Variants in TMEM47 observed in about 807,000 individuals in gnomAD.
The protein encoded by TMEM47 is transmembrane protein 47.
A neutral mutation model predicts 12.4 loss-of-function variants in TMEM47; 3 were observed. The ratio of observed to expected loss-of-function variants is 0.24; its 90% confidence interval spans 0.11 to 0.63. TMEM47 has a LOEUF of 0.63. Ranked by LOEUF, TMEM47 falls within the 20% of genes least tolerant of loss-of-function variation. TMEM47 has a pLI of 0.86. For missense variants in TMEM47, 89 were observed against 143.8 expected (o/e 0.62, Z 1.95); for synonymous variants, 62 against 63.3 (o/e 0.98, Z 0.10).
chrX:34,651,158 C>T (rs1922011691), intron 1 of TMEM47, among the ~76,000 whole-genome samples: 1 of 112,013 alleles, frequency 8.9e-6, no homozygotes, highest in African/African-American at 3.2e-5. Flanking sequence ...GTATTCAATT[C>T]TCCTTCCCTT....
At chrX:34,650,272 A>T (rs1921992500) in intron 1 of TMEM47, among the ~76,000 whole-genome samples, 1 of 111,980 alleles carries the variant, frequency 8.9e-6, no homozygotes, top group Non-Finnish European at 1.9e-5. Context: ...CCAAGCTTCC[A>T]TACATGACAT....
At chrX:34,643,425 C>T (rs180676889) in intron 1 of TMEM47, among the ~76,000 whole-genome samples, 2 of 111,415 alleles carry the variant, frequency 1.8e-5, no homozygotes, top group African/African-American at 6.5e-5. Flanking sequence ...TTGCATGCCA[C>T]AAATACCTGC....
chrX:34,654,043 C>G (rs1055086832), intron 1 of TMEM47, among the ~76,000 whole-genome samples: 2 of 111,637 alleles, frequency 1.8e-5, no homozygotes, highest in African/African-American at 6.5e-5. Context: ...GAAGAGCTGA[C>G]GCAACCTTCA....
intron 1 of TMEM47, among the ~76,000 whole-genome samples, chrX:34,646,550 A>G (rs1377784999): frequency 1.8e-5 from 2 of 112,098 alleles, no homozygotes; most frequent in African/African-American, 3.2e-5. Flanking sequence ...GTATTTCTAC[A>G]AAGTTGTGAT....
In TMEM47 at chrX:34,639,397, A is replaced by C; in HGVS notation, c.227-10T>G. ...GTAGCAATCTGCCAATCTGGAAAGA[A>C]AAAAGAAATTGTTTTTGAGTAGTAA... On this transcript the variant is annotated splice_polypyrimidine_tract_variant and intron_variant, in intron 1 of 2. Coordinates refer to ENST00000275954, the MANE Select transcript of TMEM47 (RefSeq NM_031442.4). The C allele has an allele frequency of 8.3e-7, 1 of 1,203,067 alleles. No homozygotes were observed. Among genetic ancestry groups the C allele is most frequent in the African/African-American group, 1.7e-5 (1 of 57,516 alleles).
At chrX:34,655,473 A>G (rs1922088446) in intron 1 of TMEM47, among the ~76,000 whole-genome samples, 1 of 111,926 alleles carries the variant, frequency 8.9e-6, no homozygotes, top group Non-Finnish European at 1.9e-5. Context: ...CAGTGAATTA[A>G]CCAACAAAGA....
rs1313668639 is a variant in TMEM47, at chrX:34,629,824, G to T, written c.*489C>A. On this transcript the variant is annotated 3_prime_UTR_variant, in exon 3 of 3. Transcript: ENST00000275954. ...TTCACAACTCCCATTAGATGCTGAA[G>T]GGCAGTTCATTTTTCAAGGGCTCAC... 1 of 112,145 alleles carries T rather than the reference G, an allele frequency of 8.9e-6. No individual in the cohort carries two copies. The highest frequency in any genetic ancestry group is 1.9e-5 in the Non-Finnish European group (1 of 53,470). 9.2% of individuals were successfully genotyped at this position (112,145 alleles called of 1,213,427 possible). A position where few individuals can be genotyped will look rare whatever the true frequency, so the allele number is the denominator to read the frequency against.
chrX:34,654,827 G>C (rs1475818469), intron 1 of TMEM47, among the ~76,000 whole-genome samples: 1 of 111,945 alleles, frequency 8.9e-6, no homozygotes, highest in Non-Finnish European at 1.9e-5. Flanking sequence ...GGCAAGATAA[G>C]ATGAAAGCTG....
chrX:34,650,181 T>C (rs1465233260), intron 1 of TMEM47, among the ~76,000 whole-genome samples: 1 of 112,621 alleles, frequency 8.9e-6, no homozygotes, highest in Non-Finnish European at 1.9e-5. Flanking sequence ...ACTTTAATTC[T>C]ATGTGAAATC....
At chrX:34,638,394 A>G (rs1921754669) in intron 2 of TMEM47, among the ~76,000 whole-genome samples, 1 of 111,694 alleles carries the variant, frequency 9.0e-6, no homozygotes, top group South Asian at 3.8e-4. Context: ...TTTTAGCTCC[A>G]ACTACCCTTT....
At chrX:34,652,113 C>A (rs1922027572) in intron 1 of TMEM47, among the ~76,000 whole-genome samples, 1 of 112,118 alleles carries the variant, frequency 8.9e-6, no homozygotes, top group South Asian at 3.7e-4. Context: ...CAGTTAGAAT[C>A]CAATGTCTCA....
intron 1 of TMEM47, among the ~76,000 whole-genome samples, chrX:34,650,838 T>C (rs1401816165): frequency 1.8e-5 from 2 of 111,856 alleles, no homozygotes; most frequent in Non-Finnish European, 3.8e-5. Flanking sequence ...GGTTCTCGAG[T>C]TCATTCCATC....
chrX:34,655,202 A>G (rs1410746369), intron 1 of TMEM47, among the ~76,000 whole-genome samples: 2 of 111,903 alleles, frequency 1.8e-5, no homozygotes, highest in Non-Finnish European at 3.8e-5. Context: ...TTATGCAATC[A>G]GGGGTCTATT....
chrX:34,633,707 C>CT (rs1921665202), intron 2 of TMEM47, among the ~76,000 whole-genome samples: 1 of 111,411 alleles, frequency 9.0e-6, no homozygotes, highest in African/African-American at 3.3e-5. Flanking sequence ...ACCTACGCTG[C>CT]TTTTAATATT....
At chrX:34,640,293 A>G (rs1299386891) in intron 1 of TMEM47, among the ~76,000 whole-genome samples, 1 of 112,000 alleles carries the variant, frequency 8.9e-6, no homozygotes, top group Non-Finnish European at 1.9e-5. Flanking sequence ...ACCACTTACT[A>G]TGTGCAGGCC....
chrX:34,647,799 G>A lies in TMEM47; in HGVS notation c.227-8412C>T, dbSNP rs756394486. Among the ~76,000 whole-genome samples the A allele has an allele frequency of 5.3e-5, 6 of 112,175 alleles. No individual in the cohort carries two copies. In the South Asian group the frequency reaches 2.2e-3, roughly 41 times the overall value. On this transcript the variant is annotated intron_variant, in intron 1 of 2. Coordinates refer to ENST00000275954, the MANE Select transcript of TMEM47 (RefSeq NM_031442.4). ...TTTAATAAAGCCAGAATGCAATTAA[G>A]TTGTTGAATGAAAATTAATATTCAT...
chrX:34,643,566 T>C (rs746886371), intron 1 of TMEM47, among the ~76,000 whole-genome samples: 96 of 112,227 alleles, frequency 8.6e-4, no homozygotes, highest in African/African-American at 3.0e-3. Flanking sequence ...ATTTTAGTTG[T>C]CCAATTATAG....
rs193115488 is a variant in TMEM47, at chrX:34,642,583, A to C, written c.227-3196T>G. 1.3e-4 allele frequency among the ~76,000 whole-genome samples: 14 copies of C among 111,818 alleles called. No homozygotes were observed. The East Asian group carries it at 2.5e-3, about 20-fold the overall frequency. Reference sequence around the variant, plus strand: ...ATAATCAGTTCTGGATTTTCTTCTAAATGTCCTATGTTTATTTTCAGCACT... The same window carrying C: ...ATAATCAGTTCTGGATTTTCTTCTACATGTCCTATGTTTATTTTCAGCACT... On this transcript the variant is annotated intron_variant, in intron 1 of 2. Transcript: ENST00000275954.
At chrX:34,636,299 G>A (rs1214173217) in intron 2 of TMEM47, among the ~76,000 whole-genome samples, 1 of 111,304 alleles carries the variant, frequency 9.0e-6, no homozygotes, top group Non-Finnish European at 1.9e-5. Flanking sequence ...TCAGCTGCAG[G>A]ACCCTGAAAA....
Sources: gnomAD v4.1 joint callset for allele counts (sites outside exome capture counted in the v4.1 genomes callset) on GRCh38, gnomAD v4.1.1 for gene constraint, MANE v1.5 for transcripts, NCBI Gene and HGNC (gene_info 2026-07-23, HGNC 2026-07-21) for gene names.